TNFRSF8: variants seen among roughly 807,000 people sequenced by gnomAD.
TNFRSF8 encodes the protein tumor necrosis factor receptor superfamily member 8.
A neutral mutation model predicts 70.8 loss-of-function variants in TNFRSF8; 26 were observed. The ratio of observed to expected loss-of-function variants is 0.37; its 90% confidence interval spans 0.27 to 0.51. TNFRSF8 has a LOEUF of 0.51. Among genes scored for constraint, TNFRSF8 ranks in the 20% least tolerant of loss-of-function variants. The pLI is 0.94. For missense variants in TNFRSF8, 720 were observed against 807.9 expected (o/e 0.89, Z 1.32); for synonymous variants, 356 against 339.2 (o/e 1.05, Z -0.54).
rs537294560 is a variant in TNFRSF8, at chr1:12,140,986, G to A, written c.1544-1301G>A. ...GAGGTGTGGGGAGTGCTGAGGCCCT[G>A]CTCTGTTTTGGGGTCTGTGGGGGCG... is the stretch of plus-strand genomic sequence containing the variant. On this transcript the variant is annotated intron_variant, in intron 14 of 14. Coordinates refer to ENST00000263932, the MANE Select transcript of TNFRSF8 (RefSeq NM_001243.5). Among the ~76,000 whole-genome samples the A allele has an allele frequency of 3.3e-5, 5 of 152,252 alleles. No homozygotes were observed. In the South Asian group the frequency reaches 1.0e-3, roughly 32 times the overall value.
intron 9 of TNFRSF8, 136 bp from the exon 10 acceptor site, chr1:12,123,579 C>A: frequency 1.1e-6 from 1 of 936,956 alleles, no homozygotes; most frequent in Non-Finnish European, 1.6e-6. Context: ...CCTCAAAATG[C>A]CTGGCAGAGA....
At chr1:12,064,064 G>T (rs1165170661) in intron 1 of TNFRSF8, among the ~76,000 whole-genome samples, 1 of 152,176 alleles carries the variant, frequency 6.6e-6, no homozygotes, top group African/African-American at 2.4e-5. Context: ...GGTCGTCCGC[G>T]CTCTACCCTG....
intron 1 of TNFRSF8, among the ~76,000 whole-genome samples, chr1:12,072,177 C>T (rs965828977): frequency 6.6e-6 from 1 of 152,160 alleles, no homozygotes. Flanking sequence ...GTAAGGATGA[C>T]ATGAGTTAAT....
intron 1 of TNFRSF8, among the ~76,000 whole-genome samples, chr1:12,078,328 C>A (rs1225282415): frequency 6.6e-6 from 1 of 152,122 alleles, no homozygotes; most frequent in Admixed American, 6.5e-5. Flanking sequence ...CTTTGGGAGG[C>A]TGAGGTGGGT....
intron 2 of TNFRSF8, among the ~76,000 whole-genome samples, chr1:12,087,079 ATCCATCCATCCATCCATC>A: frequency 1.9e-4 from 1 of 5,404 alleles, no homozygotes; most frequent in Admixed American, 2.4e-3. Context: ...CTTTCTATCC[ATCCATCCATCCATCCATC>A]CATCCATCCA....
At chr1:12,099,880 C>T (rs892757897) in intron 3 of TNFRSF8, among the ~76,000 whole-genome samples, 5 of 151,938 alleles carry the variant, frequency 3.3e-5, no homozygotes, top group Non-Finnish European at 7.4e-5. Flanking sequence ...AATAAAAATA[C>T]GACATAGGCC....
rs186647763 is a variant in TNFRSF8, at chr1:12,118,114, C to T, written c.946+2385C>T. Among the ~76,000 whole-genome samples the T allele has an allele frequency of 9.9e-5, 15 of 152,028 alleles. No homozygotes were observed. The East Asian group carries it at 2.5e-3, about 25-fold the overall frequency. On this transcript the variant is annotated intron_variant, in intron 8 of 14. Coordinates refer to ENST00000263932, the MANE Select transcript of TNFRSF8 (RefSeq NM_001243.5). ...TGGATGCAGCATAACCCTCCCCCCC[C>T]ACCCTTTTCTTTTTGAGACAAAGTC... is the stretch of plus-strand genomic sequence containing the variant.
At chr1:12,098,156 T>G (rs1330509091) in intron 3 of TNFRSF8, among the ~76,000 whole-genome samples, 1 of 152,202 alleles carries the variant, frequency 6.6e-6, no homozygotes, top group East Asian at 1.9e-4. Flanking sequence ...TGTAATGCCT[T>G]TTCCCTTAAT....
chr1:12,141,862 T>C lies in TNFRSF8; in HGVS notation c.1544-425T>C, dbSNP rs557161008. ...TCTCCAGGCTTCAGATTCTTACCTG[T>C]AAATGGGAATCTTGATGGGGTCCGC... On this transcript the variant is annotated intron_variant, in intron 14 of 14. Transcript: ENST00000263932. This position sits in a 1 kb window ranked among gnomAD's most constrained non-coding sequence, Gnocchi z 5.4. Among the ~76,000 whole-genome samples, 2 of 152,178 alleles carry C rather than the reference T, an allele frequency of 1.3e-5. 1 individual carries two copies. The highest frequency in any genetic ancestry group is 4.1e-4 in the South Asian group (2 of 4,830).
intron 12 of TNFRSF8, among the ~76,000 whole-genome samples, chr1:12,132,454 T>C (rs750719558): frequency 1.3e-5 from 2 of 152,238 alleles, no homozygotes; most frequent in South Asian, 2.1e-4. Context: ...GACGCCTGTC[T>C]CCTGGGATCT....
chr1:12,065,304 A>G (rs1451537123), intron 1 of TNFRSF8, among the ~76,000 whole-genome samples: 1 of 151,918 alleles, frequency 6.6e-6, no homozygotes, highest in Non-Finnish European at 1.5e-5. Flanking sequence ...TCTGGTCTCG[A>G]ACTCCTGACC....
intron 1 of TNFRSF8, among the ~76,000 whole-genome samples, chr1:12,067,094 A>G (rs938286224): frequency 2.0e-5 from 3 of 152,088 alleles, no homozygotes; most frequent in African/African-American, 7.2e-5. Context: ...GTCTTGTCCA[A>G]TTGTGTTTTT....
At chr1:12,086,507 C>T (rs1199086409) in intron 2 of TNFRSF8, among the ~76,000 whole-genome samples, 1 of 149,088 alleles carries the variant, frequency 6.7e-6, no homozygotes, top group Non-Finnish European at 1.5e-5. Context: ...TACCTGCCCA[C>T]CCACCCATCT....
At chr1:12,115,314 C>T (rs1641706944) in intron 7 of TNFRSF8, among the ~76,000 whole-genome samples, 1 of 152,206 alleles carries the variant, frequency 6.6e-6, no homozygotes, top group Non-Finnish European at 1.5e-5. Context: ...CACCATTTCC[C>T]ATCCCCTGCT....
intron 8 of TNFRSF8, among the ~76,000 whole-genome samples, chr1:12,116,872 G>A (rs1641741133): frequency 6.6e-6 from 1 of 152,062 alleles, no homozygotes; most frequent in Non-Finnish European, 1.5e-5. Context: ...GAAGTGAGGG[G>A]TGACTTGCTT....
chr1:12,063,512 C>CG lies in TNFRSF8; in HGVS notation c.-86dup. ...GAAGTCCACGCGCGCGGCTGAGAAC[C>CG]GCCGGGACCGCACGTGGGCGCCGCG... On this transcript the variant is annotated 5_prime_UTR_variant, in exon 1 of 15. Coordinates refer to ENST00000263932, the MANE Select transcript of TNFRSF8 (RefSeq NM_001243.5). The surrounding 1 kb of genome is among the most constrained non-coding windows in gnomAD (Gnocchi z 7.2). 6.6e-6 allele frequency: 8 copies of CG among 1,216,090 alleles called. No individual in the cohort carries two copies. The highest frequency in any genetic ancestry group is 8.4e-6 in the Non-Finnish European group (8 of 953,276). The allele number at this position is 1,216,090 out of a possible 1,614,324, so 75.3% of individuals were successfully genotyped here.
At position 12,123,757 on chromosome 1, in the gene TNFRSF8, T is replaced by G; in HGVS notation, c.1083T>G (p.Ser361Arg). 13 of 1,577,972 alleles carry G rather than the reference T, an allele frequency of 8.2e-6. No homozygotes were observed. Among genetic ancestry groups the G allele is most frequent in the Non-Finnish European group, 1.1e-5 (13 of 1,161,386 alleles). The change falls in exon 10 of 15, where the codon AGT (serine) becomes AGG (arginine). Residue 361 changes from serine to arginine, a missense_variant. Coordinates refer to ENST00000263932, the MANE Select transcript of TNFRSF8 (RefSeq NM_001243.5). Reference sequence around the variant, plus strand: ...GCTTGCTGGTGGACTCCCAGGCCAGTAAGACGCTGCCCATCCCAACCAGCG... The same window carrying G: ...GCTTGCTGGTGGACTCCCAGGCCAGGAAGACGCTGCCCATCCCAACCAGCG... ...TQSLLVDSQA[S>R]KTLPIPTSAP...
chr1:12,136,870 C>CTTTTTTTTTTTTTTTTTTT (rs201470263), intron 13 of TNFRSF8, among the ~76,000 whole-genome samples: 2 of 118,694 alleles, frequency 1.7e-5, no homozygotes, highest in Non-Finnish European at 3.5e-5. Flanking sequence ...ATACTCAGTT[C>CTTTTTTTTTTTTTTTTTTT]TTTTTTTTTT....
At chr1:12,064,468 G>T (rs944125570) in intron 1 of TNFRSF8, among the ~76,000 whole-genome samples, 1 of 152,096 alleles carries the variant, frequency 6.6e-6, no homozygotes, top group African/African-American at 2.4e-5. Context: ...CCAGGACCCC[G>T]GTGGACCCCT....
Sources: allele counts gnomAD v4.1 joint callset (sites outside exome capture counted in the v4.1 genomes callset), GRCh38; gene constraint gnomAD v4.1.1; non-coding constraint Gnocchi (gnomAD v3.1); transcripts MANE v1.5; gene names NCBI Gene and HGNC (gene_info 2026-07-23, HGNC 2026-07-21).